The following HOMER1 variants were observed in gnomAD, a reference collection of about 807,000 sequenced individuals.
The protein encoded by HOMER1 is homer scaffold protein 1.
Under a neutral mutation model 48.9 loss-of-function variants are expected in HOMER1, and 3 were observed. The observed-to-expected ratio is 0.06, with a 90% CI of 0.03 to 0.16. The LOEUF (loss-of-function observed/expected upper bound fraction) is 0.16. Ranked by LOEUF, HOMER1 falls within the 10% of genes least tolerant of loss-of-function variation. HOMER1 has a pLI of 1.00. For missense variants in HOMER1, 247 were observed against 411.4 expected (o/e 0.60, Z 3.46); for synonymous variants, 134 against 146.4 (o/e 0.92, Z 0.61).
In HOMER1 at chr5:79,465,584, C is replaced by CTTTTTT. The variant is rs10666507; in HGVS notation, c.6-8572_6-8567dup. ...AGTAACAGTACTGTTTACATTTCTT[C>CTTTTTT]TTTTTTTTTTTTTTTTTTTTTTTTT... On this transcript the variant is annotated intron_variant, in intron 1 of 8. Transcript: ENST00000334082. Among the ~76,000 whole-genome samples, 67 of 77,904 alleles carry CTTTTTT rather than the reference C, an allele frequency of 8.6e-4. 5 individuals are homozygous for CTTTTTT. The highest frequency in any genetic ancestry group is 2.7e-3 in the South Asian group (5 of 1,876). 51.1% of individuals were successfully genotyped at this position (77,904 alleles called of 152,430 possible). A position where few individuals can be genotyped will look rare whatever the true frequency, so the allele number is the denominator to read the frequency against.
At position 79,448,054 on chromosome 5, in the gene HOMER1, TGA is replaced by T. The variant is rs148583804; in HGVS notation, c.295-911_295-910del. Among the ~76,000 whole-genome samples, 60 of 152,286 alleles carry T rather than the reference TGA, an allele frequency of 3.9e-4. No individual in the cohort carries two copies. The East Asian group carries it at 0.011, about 28-fold the overall frequency. ...GAAAAATTTTGGAAGGAAAGGCCTG[TGA>T]TACTCTAATCCTGGCGAGATGGAGG... On this transcript the variant is annotated intron_variant, in intron 3 of 8. Coordinates refer to ENST00000334082, the MANE Select transcript of HOMER1 (RefSeq NM_004272.5).
chr5:79,417,182 G>A (rs1749966929), intron 5 of HOMER1, among the ~76,000 whole-genome samples: 2 of 146,760 alleles, frequency 1.4e-5, no homozygotes, highest in Non-Finnish European at 3.0e-5. Context: ...TCGCTCTGTT[G>A]CCCAGGCTGG....
chr5:79,403,369 T>C (rs1055540190), intron 5 of HOMER1, among the ~76,000 whole-genome samples: 2 of 152,152 alleles, frequency 1.3e-5, no homozygotes, highest in Non-Finnish European at 2.9e-5. Flanking sequence ...AGCATAGTTT[T>C]CATCACCAAG....
chr5:79,430,537 C>T (rs1210793806), intron 5 of HOMER1, among the ~76,000 whole-genome samples: 1 of 152,186 alleles, frequency 6.6e-6, no homozygotes, highest in East Asian at 1.9e-4. Flanking sequence ...TGAAAACATA[C>T]ATCTGCACAA....
chr5:79,480,106 ACT>A (rs1751905655), intron 1 of HOMER1, among the ~76,000 whole-genome samples: 1 of 152,150 alleles, frequency 6.6e-6, no homozygotes, highest in Non-Finnish European at 1.5e-5. Context: ...TAGAAATAAC[ACT>A]GTTTCAGAAG....
At chr5:79,481,633 T>A (rs182600639) in intron 1 of HOMER1, among the ~76,000 whole-genome samples, 81 of 152,292 alleles carry the variant, frequency 5.3e-4, no homozygotes, top group Admixed American at 1.6e-3. Flanking sequence ...AGTACATACC[T>A]TTGTCAAGAC....
chr5:79,472,526 C>T (rs1404867485), intron 1 of HOMER1, among the ~76,000 whole-genome samples: 1 of 151,942 alleles, frequency 6.6e-6, no homozygotes, highest in African/African-American at 2.4e-5. Flanking sequence ...CTTGTATTCC[C>T]AGGAATGGGA....
At chr5:79,474,614 T>C (rs1024703027) in intron 1 of HOMER1, among the ~76,000 whole-genome samples, 1 of 152,166 alleles carries the variant, frequency 6.6e-6, no homozygotes, top group African/African-American at 2.4e-5. Context: ...TCCTCACTCA[T>C]TTGCCAAGAA....
At chr5:79,450,598 A>T (rs1186737832) in intron 3 of HOMER1, among the ~76,000 whole-genome samples, 3 of 152,214 alleles carry the variant, frequency 2.0e-5, no homozygotes, top group Non-Finnish European at 2.9e-5. Flanking sequence ...TGTCACATCA[A>T]AATGCTGAAA....
chr5:79,480,962 C>A (rs1413142277), intron 1 of HOMER1, among the ~76,000 whole-genome samples: 1 of 152,128 alleles, frequency 6.6e-6, no homozygotes, highest in Non-Finnish European at 1.5e-5. Context: ...AACAGGAGTA[C>A]AAAAAGATAC....
At chr5:79,379,195 AAT>A (rs1447209474) in intron 8 of HOMER1, among the ~76,000 whole-genome samples, 1 of 88,796 alleles carries the variant, frequency 1.1e-5, no homozygotes, top group East Asian at 2.5e-4. Context: ...ATATATCTAT[AAT>A]ATATATTATA....
At chr5:79,500,959 GACAGAC>G (rs1280798712) in intron 1 of HOMER1, among the ~76,000 whole-genome samples, 12 of 130,020 alleles carry the variant, frequency 9.2e-5, no homozygotes, top group East Asian at 8.5e-4. Flanking sequence ...GTGTGAGACA[GACAGAC>G]ACACACACAC....
At chr5:79,483,888 C>A (rs1247456167) in intron 1 of HOMER1, among the ~76,000 whole-genome samples, 1 of 151,390 alleles carries the variant, frequency 6.6e-6, no homozygotes, top group Non-Finnish European at 1.5e-5. Context: ...AACCCCGTCT[C>A]TACTAAAAAT....
intron 5 of HOMER1, among the ~76,000 whole-genome samples, chr5:79,416,448 TGA>T (rs955669168): frequency 1.3e-5 from 2 of 152,242 alleles, no homozygotes; most frequent in Admixed American, 6.5e-5. Context: ...CCATTTGATT[TGA>T]GAGAGCACAG....
At chr5:79,443,367 G>C (rs1009476557) in intron 4 of HOMER1, among the ~76,000 whole-genome samples, 2 of 152,094 alleles carry the variant, frequency 1.3e-5, no homozygotes. Flanking sequence ...TAGAAAACTT[G>C]TTAGAAATGC....
At chr5:79,495,991 A>G (rs1448944810) in intron 1 of HOMER1, among the ~76,000 whole-genome samples, 2 of 152,244 alleles carry the variant, frequency 1.3e-5, no homozygotes, top group Non-Finnish European at 2.9e-5. Context: ...GTATAAACCT[A>G]TAACACCAAA....
intron 8 of HOMER1, among the ~76,000 whole-genome samples, chr5:79,385,341 A>C (rs72766728): frequency 6.6e-6 from 1 of 152,212 alleles, no homozygotes; most frequent in Non-Finnish European, 1.5e-5. Context: ...AACTACTTGC[A>C]AACTATTCAT....
At chr5:79,407,351 AAAGC>A (rs769025222) in intron 5 of HOMER1, among the ~76,000 whole-genome samples, 64 of 152,348 alleles carry the variant, frequency 4.2e-4, no homozygotes, top group Admixed American at 1.5e-3. Context: ...GTCAAGAAAG[AAAGC>A]AATCAACAGA....
chr5:79,484,242 T>C (rs1362998965), intron 1 of HOMER1, among the ~76,000 whole-genome samples: 2 of 151,656 alleles, frequency 1.3e-5, no homozygotes, highest in Admixed American at 1.3e-4. Flanking sequence ...AAAGAAAAGG[T>C]ATAGTTAGTA....
Sources: gnomAD v4.1 joint callset for allele counts (sites outside exome capture counted in the v4.1 genomes callset) on GRCh38, gnomAD v4.1.1 for gene constraint, MANE v1.5 for transcripts, NCBI Gene and HGNC (gene_info 2026-07-23, HGNC 2026-07-21) for gene names.